Variants in AGBL4 observed in about 807,000 individuals in gnomAD.
The protein encoded by AGBL4 is AGBL carboxypeptidase 4, also known as cytosolic carboxypeptidase 6.
A neutral mutation model predicts 66.4 loss-of-function variants in AGBL4; 58 were observed. The ratio of observed to expected loss-of-function variants is 0.87; its 90% confidence interval spans 0.71 to 1.09. The LOEUF (loss-of-function observed/expected upper bound fraction) is 1.09, where lower values mean the gene tolerates loss of function less well. Among genes scored for constraint, AGBL4 ranks in the 50% least tolerant of loss-of-function variants. The pLI, the probability that AGBL4 is intolerant of heterozygous loss-of-function variation, is 0.00. For missense variants in AGBL4, 579 were observed against 631.0 expected, an observed-to-expected ratio of 0.92 and a Z score of 0.88; for synonymous variants, 234 against 222.9, an observed-to-expected ratio of 1.05 and a Z score of -0.44.
At chr1:49,597,124 C>A (rs1644867489) in intron 3 of AGBL4, among the ~76,000 whole-genome samples, 1 of 152,122 alleles carries the variant, frequency 6.6e-6, no homozygotes, top group African/African-American at 2.4e-5. Flanking sequence ...TGCACGCCAC[C>A]TATTCAAGTA....
chr1:49,230,375 T>C (rs1441369537), intron 4 of AGBL4, among the ~76,000 whole-genome samples: 1 of 152,164 alleles, frequency 6.6e-6, no homozygotes, highest in Admixed American at 6.5e-5. Flanking sequence ...AAATGCCCTC[T>C]CAAGAAGCAG....
intron 9 of AGBL4, among the ~76,000 whole-genome samples, chr1:48,616,869 G>A (rs1470651412): frequency 1.3e-5 from 2 of 152,212 alleles, no homozygotes; most frequent in African/African-American, 2.4e-5. Flanking sequence ...TGCTCCCTGG[G>A]TCCTTCGTTC....
intron 2 of AGBL4, chr1:49,844,736 G>C (rs1283063023): frequency 6.2e-7 from 1 of 1,602,700 alleles, no homozygotes; most frequent in Non-Finnish European, 8.5e-7. Context: ...CTAAAGCAAC[G>C]TATCTCTGAA....
chr1:49,942,709 CA>C (rs943616518), intron 1 of AGBL4, among the ~76,000 whole-genome samples: 3 of 152,078 alleles, frequency 2.0e-5, no homozygotes, highest in African/African-American at 7.2e-5. Flanking sequence ...CTTAAACATA[CA>C]ATGTGAAACT....
intron 3 of AGBL4, among the ~76,000 whole-genome samples, chr1:49,674,915 A>G (rs1221857025): frequency 6.6e-6 from 1 of 152,196 alleles, no homozygotes; most frequent in Non-Finnish European, 1.5e-5. Context: ...GATTTTGTTT[A>G]TGACATTTGT....
intron 1 of AGBL4, among the ~76,000 whole-genome samples, chr1:49,899,380 T>A (rs2148186145): frequency 6.6e-6 from 1 of 152,090 alleles, no homozygotes; most frequent in East Asian, 1.9e-4. Context: ...ACTAAATGAG[T>A]ATAACTGAAT....
chr1:49,183,899 G>T (rs1646971384), intron 4 of AGBL4, among the ~76,000 whole-genome samples: 1 of 152,048 alleles, frequency 6.6e-6, no homozygotes, highest in African/African-American at 2.4e-5. Context: ...TTTGGCTTTT[G>T]ACAGATATAA....
chr1:49,544,972 C>T (rs1345936195), intron 3 of AGBL4, among the ~76,000 whole-genome samples: 1 of 152,138 alleles, frequency 6.6e-6, no homozygotes, highest in Non-Finnish European at 1.5e-5. Flanking sequence ...TAATCTGGCA[C>T]ATGAATATGT....
intron 1 of AGBL4, among the ~76,000 whole-genome samples, chr1:49,896,866 C>A (rs746661979): frequency 6.6e-6 from 1 of 151,984 alleles, no homozygotes; most frequent in South Asian, 2.1e-4. Flanking sequence ...ACCATATGAT[C>A]ATTTCAATTG....
At chr1:49,579,237 T>C (rs1644495965) in intron 3 of AGBL4, among the ~76,000 whole-genome samples, 1 of 152,194 alleles carries the variant, frequency 6.6e-6, no homozygotes. Context: ...ATCAAGAATA[T>C]ATATACATCT....
intron 6 of AGBL4, chr1:48,758,803 G>T: frequency 1.8e-6 from 2 of 1,120,892 alleles, no homozygotes; most frequent in Admixed American, 2.6e-5. Flanking sequence ...TAGCCTCAGG[G>T]CACTTGGTCT....
chr1:49,599,851 T>A (rs1385035002), intron 3 of AGBL4, among the ~76,000 whole-genome samples: 1 of 152,198 alleles, frequency 6.6e-6, no homozygotes, highest in African/African-American at 2.4e-5. Flanking sequence ...TACATATTCC[T>A]GCCTTAATTT....
chr1:49,217,141 C>T (rs897432885), intron 4 of AGBL4, among the ~76,000 whole-genome samples: 3 of 151,820 alleles, frequency 2.0e-5, no homozygotes, highest in African/African-American at 4.8e-5. Flanking sequence ...ACACAGAAAA[C>T]GAAGCAGAGA....
chr1:49,965,176 A>G (rs1260053134), intron 1 of AGBL4, among the ~76,000 whole-genome samples: 1 of 152,168 alleles, frequency 6.6e-6, no homozygotes, highest in Non-Finnish European at 1.5e-5. Flanking sequence ...CCTCCTATCA[A>G]TTTCTCACAA....
Position 49,555,416 on chromosome 1 carries a change from T to A in AGBL4, c.282+141897A>T, listed in dbSNP as rs554434209. On this transcript the variant is annotated intron_variant, in intron 3 of 13. Transcript: ENST00000371839. ...AAAGTTCTCCAAGTCCCCACTAGAT[T>A]AGCTAGACACAGAGCACTGATTGGT... Among the ~76,000 whole-genome samples the A allele has an allele frequency of 2.0e-5, 3 of 149,760 alleles. No individual in the cohort carries two copies. In the South Asian group the frequency reaches 6.5e-4, roughly 32 times the overall value.
At chr1:49,498,680 G>A (rs899586030) in intron 3 of AGBL4, among the ~76,000 whole-genome samples, 1 of 151,736 alleles carries the variant, frequency 6.6e-6, no homozygotes, top group Admixed American at 6.6e-5. Flanking sequence ...ATTATTCAGG[G>A]TTGAGCATGA....
At chr1:49,629,516 A>G (rs1645528490) in intron 3 of AGBL4, among the ~76,000 whole-genome samples, 1 of 152,168 alleles carries the variant, frequency 6.6e-6, no homozygotes, top group Admixed American at 6.5e-5. Flanking sequence ...AGGACTGGGT[A>G]AATGGCCACT....
At chr1:48,770,561 T>C (rs12064587) in intron 6 of AGBL4, among the ~76,000 whole-genome samples, 14,844 of 152,196 alleles carry the variant, frequency 0.098, 912 homozygotes, top group East Asian at 0.16. Flanking sequence ...AAACCTTCCT[T>C]AGTTCATGAC....
intron 6 of AGBL4, among the ~76,000 whole-genome samples, chr1:48,833,322 T>C (rs76646743): frequency 0.04 from 6,024 of 152,296 alleles, 401 homozygotes; most frequent in African/African-American, 0.14. Flanking sequence ...TGTTATTAAG[T>C]GACAAAGAAC....
Sources: gnomAD v4.1 joint callset for allele counts (sites outside exome capture counted in the v4.1 genomes callset) on GRCh38, gnomAD v4.1.1 for gene constraint, MANE v1.5 for transcripts, NCBI Gene and HGNC (gene_info 2026-07-23, HGNC 2026-07-21) for gene names.